The following TTI1 variants were observed in gnomAD, a reference collection of about 807,000 sequenced individuals.
TTI1 encodes the protein TELO2-interacting protein 1 homolog.
TTI1 carries 52 observed loss-of-function variants against 85.4 expected under a neutral mutation model. The ratio of observed to expected loss-of-function variants is 0.61; its 90% CI spans 0.49 to 0.77. The LOEUF (loss-of-function observed/expected upper bound fraction) is 0.77, where lower values mean the gene tolerates loss of function less well. Ranked by LOEUF, TTI1 falls within the 30% of genes least tolerant of loss-of-function variation. The probability of loss-of-function intolerance (pLI) is 0.00; values close to 1 mark genes in which losing one functional copy is unlikely to be tolerated. For synonymous variants in TTI1, 512 were observed against 503.9 expected, an observed-to-expected ratio of 1.02 and a Z score of -0.22; for missense variants, 1,173 against 1,296.0, an observed-to-expected ratio of 0.91 and a Z score of 1.46.
At chr20:38,017,404 T>TTGTGTGTGTGTGTGTG (rs66542554) in intron 1 of TTI1, among the ~76,000 whole-genome samples, 48 of 146,240 alleles carry the variant, frequency 3.3e-4, no homozygotes, top group African/African-American at 1.0e-3. Context: ...AATCAATAGC[T>TTGTGTGTGTGTGTGTG]TGTGTGTGTG....
intron 1 of TTI1, among the ~76,000 whole-genome samples, chr20:38,016,753 C>A (rs1330979549): frequency 6.6e-6 from 1 of 152,182 alleles, no homozygotes; most frequent in East Asian, 1.9e-4. Flanking sequence ...TTCTTGCCCT[C>A]CTCGAATTCA....
In TTI1 at chr20:38,006,735, G is replaced by A. The variant is rs533440414; in HGVS notation, c.2303-338C>T. The stretch of plus-strand genomic sequence containing the variant: ...TCCCTTGACTCCCCTGTTTAACTTA[G>A]GTCACTTACATGATGTCTTATATAG... On this transcript the variant is annotated intron_variant, in intron 2 of 7. Transcript: ENST00000373447. Among the ~76,000 whole-genome samples, 6 of 152,204 alleles carry A rather than the reference G, an allele frequency of 3.9e-5. No individual in the cohort carries two copies. The South Asian group carries it at 1.0e-3, about 26-fold the overall frequency.
In TTI1 at chr20:38,007,839, T is replaced by C. The variant is rs565957510; in HGVS notation, c.2303-1442A>G. ...GGTTCCTACACCCAGGGATCCATTATGACATTCTTCAAACTGCATCCCCAG... is the reference window on the plus strand; with the variant it reads ...GGTTCCTACACCCAGGGATCCATTACGACATTCTTCAAACTGCATCCCCAG... On this transcript the variant is annotated intron_variant, in intron 2 of 7. Transcript: ENST00000373447. Among the ~76,000 whole-genome samples the C allele has an allele frequency of 1.0e-3, 153 of 152,378 alleles. 1 individual carries two copies. The highest frequency in any genetic ancestry group is 3.5e-3 in the African/African-American group (145 of 41,592).
chr20:38,032,070 T>G (rs2073916559), intron 1 of TTI1, among the ~76,000 whole-genome samples: 1 of 152,202 alleles, frequency 6.6e-6, no homozygotes, highest in Non-Finnish European at 1.5e-5. Context: ...ACTAACTCAC[T>G]TGATAAATCA....
At chr20:38,005,371 G>T (rs1053489797) in intron 3 of TTI1, among the ~76,000 whole-genome samples, 3 of 152,036 alleles carry the variant, frequency 2.0e-5, no homozygotes, top group Non-Finnish European at 2.9e-5. Flanking sequence ...TAAAACAACA[G>T]GCCAGAGCTT....
rs1250595754 is a variant in TTI1, at chr20:38,012,298, G to C, written c.1519C>G (p.His507Asp). Residue 507 changes from histidine (H) to aspartate (D), a missense_variant, in exon 2 of 8, where the codon CAC becomes GAC. By Grantham distance (81) the His-to-Asp change is moderately conservative. Transcript: ENST00000373447. ...YYGNLYLLVD[H>D]FMELYHQSVV... ...GATTGATGGTAAAGTTCCATAAAGT[G>C]ATCCACAAGCAAATAAAGATTCCCA... The C allele has an allele frequency of 6.2e-7, 1 of 1,614,142 alleles. No homozygotes were observed.
intron 1 of TTI1, among the ~76,000 whole-genome samples, chr20:38,017,394 A>T (rs1381499579): frequency 6.8e-6 from 1 of 146,164 alleles, no homozygotes; most frequent in Non-Finnish European, 1.5e-5. Context: ...GGGAATCAAC[A>T]ATCAATAGCT....
intron 3 of TTI1, among the ~76,000 whole-genome samples, chr20:38,004,099 A>C (rs1335221746): frequency 6.6e-6 from 1 of 152,232 alleles, no homozygotes; most frequent in Non-Finnish European, 1.5e-5. Context: ...AAAGGGATAG[A>C]GCATGTATAC....
chr20:38,030,845 G>A (rs1033443211), intron 1 of TTI1, among the ~76,000 whole-genome samples: 7 of 152,138 alleles, frequency 4.6e-5, no homozygotes, highest in African/African-American at 1.4e-4. Context: ...TCTATACTCA[G>A]ATAGGCATTT....
rs532977173 is a variant in TTI1 at position 38,000,200 on chromosome 20, T to C, written c.2653-872A>G. On this transcript the variant is annotated intron_variant, in intron 4 of 7. Transcript: ENST00000373447. ...GTTTCAGGGGTAGCAACTGAAGAGA[T>C]GCAGATGCCACTGAATGAGATGGGG... 1.5e-3 allele frequency among the ~76,000 whole-genome samples: 235 copies of C among 152,268 alleles called. 1 individual carries two copies. The highest frequency in any genetic ancestry group is 2.7e-3 in the Non-Finnish European group (181 of 68,008).
intron 3 of TTI1, chr20:38,005,810 TA>T (rs11481355): frequency 2.0e-4 from 29 of 148,224 alleles, no homozygotes; most frequent in East Asian, 1.8e-3. Flanking sequence ...ATAAAAAAAA[TA>T]AAAAAAAAAG....
chr20:38,013,084 A>G lies in TTI1; in HGVS notation c.733T>C (p.Phe245Leu). ...SLKIFYKTVS[F>L]IMADEQLKRI... is the part of the protein sequence containing the mutation. ...TTGAGCTGTTCATCAGCCATAATGAAGCTCACTGTCTTGTAAAAGATCTTT... is the reference window on the plus strand; with the variant it reads ...TTGAGCTGTTCATCAGCCATAATGAGGCTCACTGTCTTGTAAAAGATCTTT... Residue 245 changes from phenylalanine (F) to leucine (L), a missense_variant, in exon 2 of 8, where the codon TTC becomes CTC. Transcript: ENST00000373447. The G allele has an allele frequency of 6.2e-7, 1 of 1,614,224 alleles. No individual in the cohort carries two copies. The highest frequency in any genetic ancestry group is 8.5e-7 in the Non-Finnish European group (1 of 1,180,044).
Position 38,012,347 on chromosome 20 carries a change from C to G in TTI1, c.1470G>C (p.Gln490His). Residue 490 changes from glutamine (Q) to histidine (H), a missense_variant, in exon 2 of 8, where the codon CAG becomes CAC. Physicochemically the swap from Gln to His is conservative, Grantham distance 24. Coordinates refer to ENST00000373447, the MANE Select transcript of TTI1 (RefSeq NM_001303457.2). ...CATAATAACCAAGTAGCTGACAAAC[C>G]TGCCTCAAGAGCATGAAGATTCTCT... ...TDERIFMLLR[Q>H]VCQLLGYYGN... 5 of 1,614,166 alleles carry G rather than the reference C, an allele frequency of 3.1e-6. No homozygotes were observed. Among genetic ancestry groups the G allele is most frequent in the Non-Finnish European group, 4.2e-6 (5 of 1,180,036 alleles).
chr20:38,012,729 A>G lies in TTI1; in HGVS notation c.1088T>C (p.Val363Ala). ...KVLRHFADQK[V>A]VVGNKALADI... Reference sequence around the variant, plus strand: ...AGCGAGGGCTTTGTTGCCCACCACTACTTTTTGATCTGCAAAATGTCTCAG... The same window carrying G: ...AGCGAGGGCTTTGTTGCCCACCACTGCTTTTTGATCTGCAAAATGTCTCAG... The change falls in exon 2 of 8, where the codon GTA becomes GCA. Residue 363 changes from valine (V) to alanine (A), a missense_variant. Val to Ala is a moderately conservative substitution (Grantham distance 64). Coordinates refer to ENST00000373447, the MANE Select transcript of TTI1 (RefSeq NM_001303457.2). 1.9e-6 allele frequency: 3 copies of G among 1,614,174 alleles called. No homozygotes were observed. The highest frequency in any genetic ancestry group is 1.7e-6 in the Non-Finnish European group (2 of 1,180,038).
At chr20:38,018,863 G>C (rs932025781) in intron 1 of TTI1, 6 of 151,654 alleles carry the variant, frequency 4.0e-5, no homozygotes, top group African/African-American at 1.5e-4. Flanking sequence ...CAATAAAAAG[G>C]TAAGGCTGGG....
At chr20:38,004,578 G>T (rs1426867655) in intron 3 of TTI1, among the ~76,000 whole-genome samples, 1 of 152,234 alleles carries the variant, frequency 6.6e-6, no homozygotes, top group African/African-American at 2.4e-5. Context: ...TCCTTAGAAT[G>T]CCAAGTGTGT....
chr20:38,029,707 A>G (rs1285782584), intron 1 of TTI1, among the ~76,000 whole-genome samples: 1 of 152,222 alleles, frequency 6.6e-6, no homozygotes, highest in Non-Finnish European at 1.5e-5. Context: ...TGGTTTGAAT[A>G]TCCGTCCCTT....
intron 1 of TTI1, among the ~76,000 whole-genome samples, chr20:38,019,476 A>G (rs78942940): frequency 0.011 from 1,747 of 152,342 alleles, 14 homozygotes; most frequent in Non-Finnish European, 0.02. Flanking sequence ...AATAATCTGT[A>G]TTAGACCATA....
chr20:37,990,419 T>C (rs548909776), intron 7 of TTI1, among the ~76,000 whole-genome samples: 1 of 152,334 alleles, frequency 6.6e-6, no homozygotes, highest in African/African-American at 2.4e-5. Context: ...GTCTTATAGA[T>C]GAGAAAACAG....
Sources: gnomAD v4.1 joint callset for allele counts (sites outside exome capture counted in the v4.1 genomes callset) on GRCh38, gnomAD v4.1.1 for gene constraint, MANE v1.5 for transcripts, NCBI Gene and HGNC (gene_info 2026-07-23, HGNC 2026-07-21) for gene names.